The following FANCI variants were observed in gnomAD, a reference collection of about 807,000 sequenced individuals.
The protein encoded by FANCI is FA complementation group I.
In FANCI, 156 loss-of-function variants were observed where a neutral mutation model predicts 176.1. The ratio of observed to expected loss-of-function variants is 0.89; its 90% CI spans 0.78 to 1.01. FANCI has a LOEUF of 1.01. Ranked by LOEUF, FANCI falls within the 50% of genes least tolerant of loss-of-function variation. The pLI is 0.00. For synonymous variants in FANCI, 613 were observed against 541.7 expected (o/e 1.13, Z -1.83); for missense variants, 1,678 against 1,534.1 (o/e 1.09, Z -1.57).
intron 12 of FANCI, among the ~76,000 whole-genome samples, chr15:89,275,520 T>C (rs1211404880): frequency 6.6e-6 from 1 of 152,224 alleles, no homozygotes; most frequent in Non-Finnish European, 1.5e-5. Flanking sequence ...CTGGAATTCT[T>C]GTTTATTAAT....
intron 37 of FANCI, 24 bp downstream of exon 37, chr15:89,315,413 G>A: frequency 6.7e-7 from 1 of 1,502,946 alleles, no homozygotes; most frequent in Non-Finnish European, 9.3e-7. Flanking sequence ...TCTGTCTGGA[G>A]CCCAGCCACT....
At chr15:89,300,276 CAA>C (rs747208779) in intron 25 of FANCI, 22 bp from the exon 26 acceptor site, 11 of 1,602,698 alleles carry the variant, frequency 6.9e-6, no homozygotes, top group South Asian at 2.2e-5. Context: ...TCAAAGAAGA[CAA>C]GAGTTTCTTT....
chr15:89,254,083 G>C (rs1361649834), intron 2 of FANCI, among the ~76,000 whole-genome samples: 1 of 152,166 alleles, frequency 6.6e-6, no homozygotes, highest in Non-Finnish European at 1.5e-5. Context: ...TAGTTGCTCG[G>C]TGCGGTGGCT....
Position 89,292,491 on chromosome 15 carries a change from C to T in FANCI, c.1993-197C>T, listed in dbSNP as rs546320856. 3.9e-5 allele frequency among the ~76,000 whole-genome samples: 6 copies of T among 152,222 alleles called. No individual in the cohort carries two copies. In the South Asian group the frequency reaches 1.0e-3, roughly 26 times the overall value. ...GGTGTCAGCCACTTAGGCCAATTTT[C>T]GGGGGGAAGCATTAGAAAAGGATGC... On this transcript the variant is annotated intron_variant, in intron 20 of 37. Transcript: ENST00000310775.
chr15:89,284,468 C>T (rs1468269805), intron 17 of FANCI, among the ~76,000 whole-genome samples: 1 of 151,922 alleles, frequency 6.6e-6, no homozygotes, highest in African/African-American at 2.4e-5. Flanking sequence ...TGTTATTATC[C>T]CCATTTTAAA....
intron 14 of FANCI, 127 bp downstream of exon 14, chr15:89,278,901 A>G: frequency 2.8e-6 from 2 of 712,066 alleles, no homozygotes; most frequent in Non-Finnish European, 4.9e-6. Flanking sequence ...GGATGCCAAT[A>G]AAGGAAATCC....
At chr15:89,277,804 A>C (rs2053466164) in intron 13 of FANCI, among the ~76,000 whole-genome samples, 1 of 152,162 alleles carries the variant, frequency 6.6e-6, no homozygotes, top group Non-Finnish European at 1.5e-5. Flanking sequence ...GAGGTTAAAC[A>C]ACTTTTCTAG....
At position 89,317,119 on chromosome 15, in the gene FANCI, A is replaced by G. The variant is rs1061316; in HGVS notation, c.*660A>G. 5 of 591,168 alleles carry G rather than the reference A, an allele frequency of 8.5e-6. No individual in the cohort carries two copies. The highest frequency in any genetic ancestry group is 1.5e-5 in the Non-Finnish European group (5 of 333,734). The allele number at this position is 591,168 out of a possible 1,614,324, so 36.6% of individuals were successfully genotyped here. On this transcript the variant is annotated 3_prime_UTR_variant, in exon 38 of 38. Coordinates refer to ENST00000310775, the MANE Select transcript of FANCI (RefSeq NM_001113378.2). ...AAGAATGCACTCTATAGAATAAATTATCTTTAAACATTTCTTCTGTGGTTG... is the reference window on the plus strand; with the variant it reads ...AAGAATGCACTCTATAGAATAAATTGTCTTTAAACATTTCTTCTGTGGTTG...
At chr15:89,267,156 A>G (rs988519171) in intron 9 of FANCI, among the ~76,000 whole-genome samples, 2 of 152,006 alleles carry the variant, frequency 1.3e-5, no homozygotes, top group African/African-American at 4.8e-5. Flanking sequence ...ACCTATCTCT[A>G]CAAAAAGTAC....
intron 9 of FANCI, among the ~76,000 whole-genome samples, chr15:89,265,093 G>T (rs1310833781): frequency 6.6e-6 from 1 of 152,224 alleles, no homozygotes; most frequent in East Asian, 1.9e-4. Context: ...ACTGAAGCCT[G>T]AATGATAAGA....
chr15:89,288,411 A>C (rs1453241581), intron 18 of FANCI, among the ~76,000 whole-genome samples: 1 of 152,170 alleles, frequency 6.6e-6, no homozygotes, highest in Non-Finnish European at 1.5e-5. Context: ...ACTTAAACCT[A>C]TTAGAATATT....
At position 89,305,284 on chromosome 15, in the gene FANCI, G is replaced by T. The variant is rs113806594; in HGVS notation, c.3186+42G>T. 24 of 1,614,144 alleles carry T rather than the reference G, an allele frequency of 1.5e-5. No individual in the cohort carries two copies. In the African/African-American group the frequency reaches 2.1e-4, roughly 14 times the overall value. ...TCAGTACAATACCCTGTGTGGGGAT[G>T]GGGGTCAAGGGAACAACCTTACTGT... On this transcript the variant is annotated intron_variant, in intron 29 of 37. Coordinates refer to ENST00000310775, the MANE Select transcript of FANCI (RefSeq NM_001113378.2).
Position 89,281,400 on chromosome 15 carries a change from C to G in FANCI, c.1512+100C>G, listed in dbSNP as rs1441192309. The G allele has an allele frequency of 3.7e-5, 52 of 1,414,682 alleles. 1 individual carries two copies. The South Asian group carries it at 5.8e-4, about 16-fold the overall frequency. 87.6% of individuals were successfully genotyped at this position (1,414,682 alleles called of 1,614,324 possible). On this transcript the variant is annotated intron_variant, in intron 15 of 37. Coordinates refer to ENST00000310775, the MANE Select transcript of FANCI (RefSeq NM_001113378.2). ...TATAAATATATATGTCTAAGAAATT[C>G]TATTCCACTTTAGTCTGAAACATAA...
chr15:89,263,518 G>T, intron 7 of FANCI, 58 bp downstream of exon 7: 2 of 1,377,762 alleles, frequency 1.5e-6, no homozygotes, highest in Non-Finnish European at 2.1e-6. Flanking sequence ...TTACTTGCTA[G>T]AAATTAAACT....
At position 89,281,841 on chromosome 15, in the gene FANCI, T is replaced by C; in HGVS notation, c.1583+6T>C. The C allele has an allele frequency of 6.2e-7, 1 of 1,613,080 alleles. No individual in the cohort carries two copies. The highest frequency in any genetic ancestry group is 8.5e-7 in the Non-Finnish European group (1 of 1,179,254). On this transcript the variant is annotated splice_donor_region_variant and intron_variant, in intron 16 of 37. Transcript: ENST00000310775. ...CGGAAAGCTATGTTTGCCAAGTATG[T>C]AGCATCTTTTTCTATCATAGGAAGA...
chr15:89,258,955 G>A, intron 3 of FANCI, 179 bp downstream of exon 3: 1 of 598,446 alleles, frequency 1.7e-6, no homozygotes, highest in South Asian at 1.9e-5. Flanking sequence ...TTTTACTGAA[G>A]GGAGTTTGAA....
chr15:89,305,110 C>G lies in FANCI; in HGVS notation c.3059-5C>G. On this transcript the variant is annotated splice_region_variant and splice_polypyrimidine_tract_variant and intron_variant, in intron 28 of 37. Transcript: ENST00000310775. ...CTTTTAATTTGCTTTTCTTCCTATT[C>G]CTAGAGGATGCCTTGTTTTGCAAGA... is the stretch of plus-strand genomic sequence containing the variant. 6.2e-7 allele frequency: 1 copy of G among 1,614,038 alleles called. No individual in the cohort carries two copies. The highest frequency in any genetic ancestry group is 8.5e-7 in the Non-Finnish European group (1 of 1,180,002).
chr15:89,313,961 A>G (rs2055073900), intron 35 of FANCI, among the ~76,000 whole-genome samples: 1 of 147,850 alleles, frequency 6.8e-6, no homozygotes, highest in Admixed American at 6.9e-5. Flanking sequence ...CGTTAGGGGG[A>G]AAGATATATA....
intron 24 of FANCI, among the ~76,000 whole-genome samples, chr15:89,298,686 A>C (rs1262708129): frequency 2.6e-5 from 4 of 152,250 alleles, no homozygotes; most frequent in Non-Finnish European, 5.9e-5. Context: ...GAAGATCAAT[A>C]AATTTAATGA....
Sources: gnomAD v4.1 joint callset for allele counts (sites outside exome capture counted in the v4.1 genomes callset) on GRCh38, gnomAD v4.1.1 for gene constraint, MANE v1.5 for transcripts, NCBI Gene and HGNC (gene_info 2026-07-23, HGNC 2026-07-21) for gene names.